Variants in CDC23 observed in about 807,000 individuals in gnomAD.
CDC23 encodes cell division cycle 23, also known as cell division cycle protein 23 homolog.
CDC23 carries 26 observed loss-of-function variants against 81.7 expected under a neutral mutation model. That is an observed-to-expected ratio of 0.32 (90% confidence interval 0.23 to 0.44). The LOEUF (loss-of-function observed/expected upper bound fraction) is 0.44. Ranked by LOEUF, CDC23 falls within the 20% of genes least tolerant of loss-of-function variation. The pLI is 1.00. For missense variants in CDC23, 519 were observed against 728.0 expected (o/e 0.71, Z 3.30); for synonymous variants, 267 against 270.8 (o/e 0.99, Z 0.14).
At position 138,187,979 on chromosome 5, in the gene CDC23, T is replaced by A. The variant is rs985627086; in HGVS notation, c.*999A>T. On this transcript the variant is annotated 3_prime_UTR_variant, in exon 16 of 16. Transcript: ENST00000394886. The stretch of plus-strand genomic sequence containing the variant: ...ATCCATAGCATCTACTGTGCAAATA[T>A]ATTACAGCAGACATTATAGCATATT... 6.4e-6 allele frequency: 1 copy of A among 155,574 alleles called. No homozygotes were observed. Among genetic ancestry groups the A allele is most frequent in the African/African-American group, 2.4e-5 (1 of 41,450 alleles). 9.6% of individuals were successfully genotyped at this position (155,574 alleles called of 1,614,324 possible).
Position 138,206,527 on chromosome 5 carries a change from C to T in CDC23, c.372+20G>A. On this transcript the variant is annotated intron_variant, in intron 3 of 15. Transcript: ENST00000394886. ...GGATGTTTCACTAAAGGCAGAATGA[C>T]ATTTTAAAATGGCCCTCACCAGATA... is the stretch of plus-strand genomic sequence containing the variant. 1 of 1,613,798 alleles carries T rather than the reference C, an allele frequency of 6.2e-7. No individual in the cohort carries two copies. The highest frequency in any genetic ancestry group is 8.5e-7 in the Non-Finnish European group (1 of 1,179,716).
Position 138,212,300 on chromosome 5 carries a change from A to G in CDC23, c.234+691T>C, listed in dbSNP as rs1755121980. Among the ~76,000 whole-genome samples the G allele has an allele frequency of 2.0e-5, 3 of 152,158 alleles. No homozygotes were observed. The South Asian group carries it at 6.2e-4, about 32-fold the overall frequency. On this transcript the variant is annotated intron_variant, in intron 2 of 15. Coordinates refer to ENST00000394886, the MANE Select transcript of CDC23 (RefSeq NM_004661.4). ...TGCTATGCTGATCAGACAACAGTGT[A>G]GGTATTGTAAAAACTTTATTTATTT...
intron 9 of CDC23, among the ~76,000 whole-genome samples, chr5:138,196,888 T>G (rs1350459881): frequency 7.0e-6 from 1 of 143,580 alleles, no homozygotes; most frequent in African/African-American, 2.6e-5. Context: ...CCTTTTTTTT[T>G]CCTTTTTTTT....
chr5:138,196,730 GCCA>G (rs1344887082), intron 9 of CDC23, among the ~76,000 whole-genome samples: 18 of 151,054 alleles, frequency 1.2e-4, no homozygotes, highest in African/African-American at 4.4e-4. Context: ...ACAGGCGCCC[GCCA>G]CCACGCCCAG....
At chr5:138,207,645 A>G (rs1755066370) in intron 2 of CDC23, among the ~76,000 whole-genome samples, 1 of 152,196 alleles carries the variant, frequency 6.6e-6, no homozygotes, top group African/African-American at 2.4e-5. Context: ...AAAAAATTAG[A>G]TAATGTCACA....
In CDC23 at chr5:138,213,078, C is replaced by A; in HGVS notation, c.162-15G>T. 6.2e-7 allele frequency: 1 copy of A among 1,614,106 alleles called. No homozygotes were observed. The highest frequency in any genetic ancestry group is 8.5e-7 in the Non-Finnish European group (1 of 1,179,978). On this transcript the variant is annotated splice_polypyrimidine_tract_variant and intron_variant, in intron 1 of 15. Transcript: ENST00000394886. ...ACTCCGCCGACCTGGAACACCCACACAAACTAGATCAGCTCGACAAGCCCC... is the reference window on the plus strand; with the variant it reads ...ACTCCGCCGACCTGGAACACCCACAAAAACTAGATCAGCTCGACAAGCCCC...
Position 138,191,657 on chromosome 5 carries a change from A to G in CDC23, c.1363-122T>C. The G allele has an allele frequency of 2.9e-6, 3 of 1,046,854 alleles. No individual in the cohort carries two copies. In the East Asian group the frequency reaches 7.1e-5, roughly 25 times the overall value. The allele number at this position is 1,046,854 out of a possible 1,614,324, so 64.8% of individuals were successfully genotyped here. On this transcript the variant is annotated intron_variant, in intron 12 of 15. Transcript: ENST00000394886. ...GATTTATAGAATGCAAGACATTTTTACTAGTTCTGATAGGTCTAGGCTACA... is the reference window on the plus strand; with the variant it reads ...GATTTATAGAATGCAAGACATTTTTGCTAGTTCTGATAGGTCTAGGCTACA...
chr5:138,188,221 C>T lies in CDC23; in HGVS notation c.*757G>A, dbSNP rs1332736697. 6.6e-6 allele frequency: 1 copy of T among 152,104 alleles called. No individual in the cohort carries two copies. The highest frequency in any genetic ancestry group is 1.9e-4 in the East Asian group (1 of 5,194). 9.4% of individuals were successfully genotyped at this position (152,104 alleles called of 1,614,324 possible). On this transcript the variant is annotated 3_prime_UTR_variant, in exon 16 of 16. Transcript: ENST00000394886. The stretch of plus-strand genomic sequence containing the variant: ...AATCACCAATGTTATTTCCAAATGT[C>T]CGTGAAATTATCTATAATCCTATCT...
chr5:138,198,358 G>C, intron 8 of CDC23, 68 bp downstream of exon 8: 2 of 1,578,340 alleles, frequency 1.3e-6, no homozygotes, highest in South Asian at 2.2e-5. Flanking sequence ...AATACAAGTG[G>C]GTGACAATCC....
At chr5:138,213,126 C>T (rs367596714) in intron 1 of CDC23, 26 bp downstream of exon 1, 5 of 1,614,030 alleles carry the variant, frequency 3.1e-6, no homozygotes, top group Admixed American at 1.7e-5. Context: ...ATCCAAGCCC[C>T]GTCCCTTCCC....
intron 13 of CDC23, among the ~76,000 whole-genome samples, chr5:138,191,201 C>T (rs1330530552): frequency 6.6e-6 from 1 of 152,062 alleles, no homozygotes; most frequent in Non-Finnish European, 1.5e-5. Flanking sequence ...CTGCAACCTC[C>T]ACCTCCCAGG....
Position 138,188,846 on chromosome 5 carries a change from G to A in CDC23, c.*132C>T. On this transcript the variant is annotated 3_prime_UTR_variant, in exon 16 of 16. Transcript: ENST00000394886. ...GCCTCTGAAGGTAATTATACAAGCT[G>A]TCCCTATGGAGCTGTTGCCATCTGT... 1.3e-6 allele frequency: 1 copy of A among 754,176 alleles called. No individual in the cohort carries two copies. Among genetic ancestry groups the A allele is most frequent in the Non-Finnish European group, 2.1e-6 (1 of 486,202 alleles). The allele number at this position is 754,176 out of a possible 1,614,324, so 46.7% of individuals were successfully genotyped here. A position where few individuals can be genotyped will look rare whatever the true frequency, so the allele number is the denominator to read the frequency against.
chr5:138,203,733 G>A (rs1448992381), intron 3 of CDC23, among the ~76,000 whole-genome samples: 1 of 151,950 alleles, frequency 6.6e-6, no homozygotes, highest in African/African-American at 2.4e-5. Flanking sequence ...TCAACGTGGC[G>A]AAACCCCGTC....
chr5:138,192,371 T>C lies in CDC23; in HGVS notation c.1184A>G (p.Asn395Ser). Residue 395 changes from asparagine to serine, a missense_variant, in exon 11 of 16, where the codon AAC becomes AGC. Coordinates refer to ENST00000394886, the MANE Select transcript of CDC23 (RefSeq NM_004661.4). The stretch of plus-strand genomic sequence containing the variant: ...ATACCAAGCTCTGTAGTCCCGTTTG[T>C]TGACCTCAATGGCATGTCTAAGAAA... ...IQAYRHAIEVNKRDYRAWYGL... is the reference protein window; with the variant it reads ...IQAYRHAIEVSKRDYRAWYGL... 6.2e-7 allele frequency: 1 copy of C among 1,614,234 alleles called. No individual in the cohort carries two copies.
At chr5:138,203,726 A>T (rs963007933) in intron 3 of CDC23, among the ~76,000 whole-genome samples, 1 of 152,026 alleles carries the variant, frequency 6.6e-6, no homozygotes, top group African/African-American at 2.4e-5. Context: ...AGCCTGGTCA[A>T]CGTGGCGAAA....
At chr5:138,198,842 A>G (rs1754949255) in intron 6 of CDC23, 60 bp from the exon 7 acceptor site, 2 of 1,500,002 alleles carry the variant, frequency 1.3e-6, no homozygotes, top group Admixed American at 4.2e-5. Flanking sequence ...TCAAACAAAC[A>G]TCCAGGAACT....
At chr5:138,189,262 GT>G (rs201177815) in intron 15 of CDC23, 114 bp from the exon 16 acceptor site, 25,164 of 687,134 alleles carry the variant, frequency 0.037, 1 homozygote, top group East Asian at 0.056. Context: ...AGGCTTGCTT[GT>G]TTTTTTTTTT....
intron 9 of CDC23, among the ~76,000 whole-genome samples, chr5:138,195,671 T>G (rs1433785089): frequency 3.5e-5 from 4 of 113,396 alleles, no homozygotes; most frequent in African/African-American, 7.3e-5. Flanking sequence ...ATATATTTTA[T>G]ATATGCATAT....
chr5:138,207,384 C>G (rs1043095324), intron 2 of CDC23, among the ~76,000 whole-genome samples: 8 of 152,114 alleles, frequency 5.3e-5, no homozygotes, highest in African/African-American at 1.9e-4. Flanking sequence ...CTTAGCTTCT[C>G]TTAGCATCCA....
Sources: gnomAD v4.1 joint callset for allele counts (sites outside exome capture counted in the v4.1 genomes callset) on GRCh38, gnomAD v4.1.1 for gene constraint, MANE v1.5 for transcripts, NCBI Gene and HGNC (gene_info 2026-07-23, HGNC 2026-07-21) for gene names.